Variants in SYCE1 observed in about 807,000 individuals in gnomAD.
The protein encoded by SYCE1 is cancer/testis antigen 76.
SYCE1 carries 37 observed loss-of-function variants against 55.1 expected under a neutral mutation model. The observed-to-expected ratio is 0.67, with a 90% CI of 0.52 to 0.88. The LOEUF (loss-of-function observed/expected upper bound fraction) is 0.88. Among genes scored for constraint, SYCE1 ranks in the 40% least tolerant of loss-of-function variants. The pLI is 0.00. For synonymous variants in SYCE1, 163 were observed against 159.4 expected (o/e 1.02, Z -0.17); for missense variants, 399 against 416.4 (o/e 0.96, Z 0.36).
At position 133,557,750 on chromosome 10, in the gene SYCE1, A is replaced by C. The variant is rs1047364580; in HGVS notation, c.374+114T>G. 6 of 1,251,942 alleles carry C rather than the reference A, an allele frequency of 4.8e-6. No homozygotes were observed. In the Admixed American group the frequency reaches 1.1e-4, roughly 24 times the overall value. The allele number at this position is 1,251,942 out of a possible 1,614,324, so 77.6% of individuals were successfully genotyped here. A position where few individuals can be genotyped will look rare whatever the true frequency, so the allele number is the denominator to read the frequency against. On this transcript the variant is annotated intron_variant, in intron 6 of 12. Coordinates refer to ENST00000343131, the MANE Select transcript of SYCE1 (RefSeq NM_001143764.3). ...GGGAAAGACATTCTTTGGACTCTCC[A>C]TTGTTTAGAGGGAAACAATGAGAGC...
At position 133,555,036 on chromosome 10, in the gene SYCE1, C is replaced by T. The variant is rs9629996; in HGVS notation, c.1012G>A (p.Asp338Asn). ...LIGQEDTLHP[D>N]LSPRGFQEIK... ...TCCTGAAAGCCCCTTGGGCTAAGGTCGGGGTGGAGTGTGTCCTCCTGGCCT... is the reference window on the plus strand; with the variant it reads ...TCCTGAAAGCCCCTTGGGCTAAGGTTGGGGTGGAGTGTGTCCTCCTGGCCT... The change falls in exon 13 of 13, where the codon GAC (aspartate) becomes AAC (asparagine). Residue 338 changes from aspartate (D) to asparagine (N), a missense_variant. Coordinates refer to ENST00000343131, the MANE Select transcript of SYCE1 (RefSeq NM_001143764.3). 3,760 of 1,550,926 alleles carry T rather than the reference C, an allele frequency of 2.4e-3. No homozygotes were observed. In the African/African-American group the frequency reaches 0.045, roughly 18 times the overall value.
intron 1 of SYCE1, 99 bp downstream of exon 1, chr10:133,565,358 A>G: frequency 7.2e-6 from 8 of 1,110,810 alleles, no homozygotes; most frequent in Non-Finnish European, 9.8e-6. Flanking sequence ...CAGCAGCATC[A>G]GGACTGACAG....
chr10:133,562,413 T>C (rs1851838039), intron 1 of SYCE1, among the ~76,000 whole-genome samples: 2 of 152,094 alleles, frequency 1.3e-5, no homozygotes, highest in African/African-American at 4.8e-5. Context: ...CTGAATGCTA[T>C]TTTCTTCATA....
rs1851907301 is a variant in SYCE1, at chr10:133,565,488, T to C, written c.42A>G (p.Ala14=). ...CCTTCTCAGCCCTGTCCACGGCTCC[T>C]GCGGTGGGCTCGGCCTTCGATGTCA... ...RSLTSKAEPT[A]GAVDRAEKAG... The change falls in exon 1 of 13, where the codon GCA becomes GCG. Residue 14 remains alanine (A), a synonymous_variant. Transcript: ENST00000343131. 1 of 1,550,214 alleles carries C rather than the reference T, an allele frequency of 6.5e-7. No homozygotes were observed. Among genetic ancestry groups the C allele is most frequent in the Non-Finnish European group, 8.7e-7 (1 of 1,146,802 alleles).
At chr10:133,559,179 C>T in intron 3 of SYCE1, 122 bp downstream of exon 3, 1 of 1,122,080 alleles carries the variant, frequency 8.9e-7, no homozygotes, top group Non-Finnish European at 1.3e-6. Context: ...ATTTAAGGCT[C>T]TGCTGTTGCT....
intron 3 of SYCE1, 34 bp downstream of exon 3, chr10:133,559,267 G>A (rs1317631738): frequency 6.2e-7 from 1 of 1,610,678 alleles, no homozygotes; most frequent in East Asian, 2.2e-5. Flanking sequence ...CCATGCAGCT[G>A]GTCCTAGCTG....
At chr10:133,557,721 G>T in intron 6 of SYCE1, 143 bp downstream of exon 6, 2 of 894,032 alleles carry the variant, frequency 2.2e-6, no homozygotes, top group Non-Finnish European at 3.5e-6. Context: ...TGTTGGAGCC[G>T]AAGGGGAAAG....
At chr10:133,568,054 G>C (rs757400724), upstream of SYCE1, 4 of 635,252 alleles carry the variant, frequency 6.3e-6, no homozygotes, top group Non-Finnish European at 1.2e-5. Flanking sequence ...GGGACGGTGC[G>C]GCCCGGGGGC....
At position 133,555,630 on chromosome 10, in the gene SYCE1, T is replaced by C; in HGVS notation, c.797A>G (p.Gln266Arg). Residue 266 changes from glutamine (Q) to arginine (R), a missense_variant, in exon 11 of 13, where the codon CAG becomes CGG. Transcript: ENST00000343131. ...AAAQRHQQLQQKCQQQQQKRQ... is the reference protein window; with the variant it reads ...AAAQRHQQLQRKCQQQQQKRQ... ...CTTCTGCTGCTGTTGTTGGCACTTCTGCTGCAGCTGCTGGTGGCGCTGGGC... is the reference window on the plus strand; with the variant it reads ...CTTCTGCTGCTGTTGTTGGCACTTCCGCTGCAGCTGCTGGTGGCGCTGGGC... The C allele has an allele frequency of 1.2e-6, 2 of 1,605,904 alleles. No individual in the cohort carries two copies. Among genetic ancestry groups the C allele is most frequent in the Non-Finnish European group, 1.7e-6 (2 of 1,179,894 alleles).
intron 8 of SYCE1, 160 bp from the exon 9 acceptor site, chr10:133,556,207 A>C: frequency 1.3e-6 from 1 of 748,892 alleles, no homozygotes; most frequent in Non-Finnish European, 2.1e-6. Flanking sequence ...GGGCCATGGC[A>C]CTGGCCATTC....
chr10:133,559,526 G>C, intron 2 of SYCE1, 166 bp from the exon 3 acceptor site: 1 of 659,728 alleles, frequency 1.5e-6, no homozygotes, highest in South Asian at 1.8e-5. Flanking sequence ...GGCAAGACTG[G>C]GAACAGACAC....
At chr10:133,554,331 G>C (rs772627871), downstream of SYCE1, 1 of 1,613,866 alleles carries the variant, frequency 6.2e-7, no homozygotes, top group East Asian at 2.2e-5. Context: ...CTGGGAGCCT[G>C]TCAAGAAAAG....
chr10:133,554,847 G>A lies in SYCE1; in HGVS notation c.*145C>T, dbSNP rs745727239. On this transcript the variant is annotated 3_prime_UTR_variant, in exon 13 of 13. Transcript: ENST00000343131. The stretch of plus-strand genomic sequence containing the variant: ...CCAGAGATGAGCAATCCAGAGACCA[G>A]GAGGTTAAGGAAGCATTTATTGAAA... 1.4e-6 allele frequency: 2 copies of A among 1,448,262 alleles called. No homozygotes were observed. The highest frequency in any genetic ancestry group is 1.8e-6 in the Non-Finnish European group (2 of 1,103,858). The allele number at this position is 1,448,262 out of a possible 1,614,324, so 89.7% of individuals were successfully genotyped here.
upstream of SYCE1, among the ~76,000 whole-genome samples, chr10:133,566,537 G>C (rs1448928286): frequency 6.7e-6 from 1 of 149,688 alleles, no homozygotes; most frequent in Non-Finnish European, 1.5e-5. Flanking sequence ...ATTGGGGTAG[G>C]GTTAGGGTTG....
intron 1 of SYCE1, among the ~76,000 whole-genome samples, chr10:133,562,073 G>C (rs1185504559): frequency 1.3e-5 from 2 of 152,084 alleles, no homozygotes; most frequent in African/African-American, 4.8e-5. Flanking sequence ...CCATAGCTAA[G>C]GTTCTGTCTT....
upstream of SYCE1, chr10:133,565,714 G>A (rs1851917816): frequency 5.1e-6 from 3 of 584,726 alleles, no homozygotes; most frequent in South Asian, 2.4e-5. Flanking sequence ...AAAGGCGCGA[G>A]GGCTACAAAC....
At chr10:133,559,212 G>T in intron 3 of SYCE1, 89 bp downstream of exon 3, 1 of 1,414,292 alleles carries the variant, frequency 7.1e-7, no homozygotes, top group Non-Finnish European at 1.0e-6. Context: ...CAGTAACTTT[G>T]GAACAAGGGA....
upstream of SYCE1, chr10:133,567,955 C>A (rs1480014289): frequency 1.7e-6 from 1 of 572,484 alleles, no homozygotes; most frequent in Non-Finnish European, 3.3e-6. Flanking sequence ...ATGGCGGGTC[C>A]ACAGGGGCAG....
intron 6 of SYCE1, 189 bp from the exon 7 acceptor site, chr10:133,557,345 G>A (rs1851710261): frequency 1.7e-6 from 1 of 603,538 alleles, no homozygotes; most frequent in Non-Finnish European, 2.9e-6. Flanking sequence ...GGTTAAGAGA[G>A]ATTAATGTGG....
Sources: allele counts gnomAD v4.1 joint callset (sites outside exome capture counted in the v4.1 genomes callset), GRCh38; gene constraint gnomAD v4.1.1; transcripts MANE v1.5; gene names NCBI Gene and HGNC (gene_info 2026-07-23, HGNC 2026-07-21).